The following ASH1L variants were observed in gnomAD, a reference collection of about 807,000 sequenced individuals.
ASH1L encodes the protein ASH1 like histone lysine methyltransferase.
Under a neutral mutation model 269.0 loss-of-function variants are expected in ASH1L, and 23 were observed. That is an observed-to-expected ratio of 0.09 (90% CI 0.06 to 0.12). The LOEUF (loss-of-function observed/expected upper bound fraction) is 0.12, where lower values mean the gene tolerates loss of function less well. Ranked by LOEUF, ASH1L falls within the 10% of genes least tolerant of loss-of-function variation. ASH1L has a pLI of 1.00. For missense variants in ASH1L, 2,912 were observed against 3,567.8 expected (o/e 0.82, Z 4.68); for synonymous variants, 1,187 against 1,253.5 (o/e 0.95, Z 1.12).
intron 2 of ASH1L, among the ~76,000 whole-genome samples, chr1:155,485,886 T>G (rs998066557): frequency 9.2e-5 from 14 of 152,182 alleles, no homozygotes; most frequent in African/African-American, 3.4e-4. Context: ...GGTATCTAAC[T>G]CTAGTATCTT....
At chr1:155,347,151 C>T (rs547690949) in intron 20 of ASH1L, among the ~76,000 whole-genome samples, 9 of 152,310 alleles carry the variant, frequency 5.9e-5, no homozygotes, top group East Asian at 3.9e-4. Context: ...GTAATCCCAA[C>T]GCTCTGGGAG....
chr1:155,509,449 T>G (rs1233516368), intron 2 of ASH1L, among the ~76,000 whole-genome samples: 1 of 152,096 alleles, frequency 6.6e-6, no homozygotes, highest in Non-Finnish European at 1.5e-5. Context: ...ATAAAGAAAT[T>G]CAGTGTATGA....
chr1:155,465,451 G>A (rs1036896675), intron 3 of ASH1L, among the ~76,000 whole-genome samples: 4 of 152,072 alleles, frequency 2.6e-5, no homozygotes, highest in South Asian at 2.1e-4. Flanking sequence ...AAGTAACTAA[G>A]AAATCATTTA....
intron 5 of ASH1L, among the ~76,000 whole-genome samples, chr1:155,419,240 AAAT>A (rs1558083808): frequency 1.3e-5 from 2 of 152,072 alleles, no homozygotes; most frequent in African/African-American, 4.8e-5. Context: ...TTTCTTAAAA[AAAT>A]AATAATAATA....
At chr1:155,375,393 TA>T (rs1656346818) in intron 10 of ASH1L, among the ~76,000 whole-genome samples, 1 of 152,208 alleles carries the variant, frequency 6.6e-6, no homozygotes, top group South Asian at 2.1e-4. Context: ...GAAACCAAAC[TA>T]AATTTACCAA....
chr1:155,454,362 T>G (rs1663719914), intron 4 of ASH1L, among the ~76,000 whole-genome samples: 2 of 152,206 alleles, frequency 1.3e-5, no homozygotes, highest in Admixed American at 1.3e-4. Flanking sequence ...CTTCTCCCAC[T>G]TACCTCTTCA....
In ASH1L at chr1:155,433,148, C is replaced by T. The variant is rs534288329; in HGVS notation, c.5828+5179G>A. ...AATATAAAAATATTTGACATTTCAC[C>T]AGGCCCCCAGCTTGGGGCGCCTTCC... On this transcript the variant is annotated intron_variant, in intron 5 of 27. Coordinates refer to ENST00000392403, the MANE Select transcript of ASH1L (RefSeq NM_018489.3). The T allele has an allele frequency of 6.6e-4, 972 of 1,475,950 alleles. 1 individual carries two copies. Among genetic ancestry groups the T allele is most frequent in the Non-Finnish European group, 8.1e-4 (893 of 1,100,028 alleles). 91.4% of individuals were successfully genotyped at this position (1,475,950 alleles called of 1,614,324 possible). A position where few individuals can be genotyped will look rare whatever the true frequency, so the allele number is the denominator to read the frequency against.
intron 12 of ASH1L, among the ~76,000 whole-genome samples, chr1:155,361,300 C>T (rs1258995124): frequency 6.6e-6 from 1 of 151,690 alleles, no homozygotes. Context: ...AGGCAGATCA[C>T]GAAGTCAGGA....
At chr1:155,449,799 G>A (rs763758348) in intron 4 of ASH1L, among the ~76,000 whole-genome samples, 1 of 151,012 alleles carries the variant, frequency 6.6e-6, no homozygotes, top group South Asian at 2.1e-4. Flanking sequence ...GATTACAGGC[G>A]TGAGCCACTG....
chr1:155,385,533 T>C (rs1657356383), intron 7 of ASH1L, among the ~76,000 whole-genome samples: 1 of 152,242 alleles, frequency 6.6e-6, no homozygotes, highest in African/African-American at 2.4e-5. Context: ...AATTGCTCAC[T>C]AAGGCATTTT....
chr1:155,484,974 A>C, intron 2 of ASH1L, among the ~76,000 whole-genome samples: 1 of 140,870 alleles, frequency 7.1e-6, no homozygotes. Flanking sequence ...AAAACCAACC[A>C]ACCACCCGGT....
intron 1 of ASH1L, among the ~76,000 whole-genome samples, chr1:155,549,624 C>CA (rs1043659273): frequency 0.054 from 3,246 of 59,994 alleles, 123 homozygotes; most frequent in African/African-American, 0.13. Context: ...GACTCAGTCT[C>CA]AAAAAAAAAA....
chr1:155,402,829 C>T (rs939990698), intron 6 of ASH1L, among the ~76,000 whole-genome samples: 1 of 150,310 alleles, frequency 6.7e-6, no homozygotes, highest in African/African-American at 2.5e-5. Context: ...ACTGGGATTA[C>T]AAGTATGAGC....
chr1:155,430,350 T>C (rs1285751466), intron 5 of ASH1L, among the ~76,000 whole-genome samples: 22 of 152,112 alleles, frequency 1.4e-4, no homozygotes, highest in Admixed American at 1.4e-3. Flanking sequence ...GGGAATAATA[T>C]TTTTCTTGAA....
intron 1 of ASH1L, 91 bp downstream of exon 1, chr1:155,562,062 C>G: frequency 1.1e-6 from 1 of 882,282 alleles, no homozygotes. Context: ...AGATCCAGGT[C>G]CGGGAGATGA....
rs566317733 is a variant in ASH1L at position 155,393,655 on chromosome 1, C to T, written c.6103+1804G>A. Among the ~76,000 whole-genome samples, 9 of 151,656 alleles carry T rather than the reference C, an allele frequency of 5.9e-5. No individual in the cohort carries two copies. In the South Asian group the frequency reaches 1.2e-3, roughly 21 times the overall value. ...CTGCACACTCCGCCTCCTGGGTTCA[C>T]GCCATTCTCCTGCCTCAGCCTCCCA... On this transcript the variant is annotated intron_variant, in intron 7 of 27. Transcript: ENST00000392403.
At position 155,370,565 on chromosome 1, in the gene ASH1L, T is replaced by C. The variant is rs1655853757; in HGVS notation, c.6625A>G (p.Met2209Val). ...DSGMVIDSYR[M>V]GNEARFINHS... Reference sequence around the variant, plus strand: ...TTGATGAATCGGGCCTCATTTCCCATGCGGTAACTGTCAATCACCATCCCA... The same window carrying C: ...TTGATGAATCGGGCCTCATTTCCCACGCGGTAACTGTCAATCACCATCCCA... The change falls in exon 12 of 28, where the codon ATG (methionine) becomes GTG (valine). Residue 2209 changes from methionine (M) to valine (V), a missense_variant. Coordinates refer to ENST00000392403, the MANE Select transcript of ASH1L (RefSeq NM_018489.3). 6.2e-7 allele frequency: 1 copy of C among 1,614,066 alleles called. No homozygotes were observed.
chr1:155,344,089 G>C, intron 22 of ASH1L, 94 bp downstream of exon 22: 1 of 1,107,330 alleles, frequency 9.0e-7, no homozygotes, highest in Non-Finnish European at 1.4e-6. Flanking sequence ...ATTCGAGGCC[G>C]TATGGAGACA....
intron 1 of ASH1L, among the ~76,000 whole-genome samples, chr1:155,534,198 G>T (rs1237858187): frequency 6.6e-6 from 1 of 150,408 alleles, no homozygotes; most frequent in East Asian, 1.9e-4. Context: ...AAAAAAATTT[G>T]GAATTCACAA....
Sources: allele counts gnomAD v4.1 joint callset (sites outside exome capture counted in the v4.1 genomes callset), GRCh38; gene constraint gnomAD v4.1.1; transcripts MANE v1.5; gene names NCBI Gene and HGNC (gene_info 2026-07-23, HGNC 2026-07-21).